MAP3K2: variants seen among roughly 807,000 people sequenced by gnomAD.
The protein encoded by MAP3K2 is mitogen-activated protein kinase kinase kinase 2.
A neutral mutation model predicts 80.3 loss-of-function variants in MAP3K2; 24 were observed. That is an observed-to-expected ratio of 0.30 (90% CI 0.22 to 0.42). The LOEUF (loss-of-function observed/expected upper bound fraction) is 0.42. Among genes scored for constraint, MAP3K2 ranks in the 10% least tolerant of loss-of-function variants. The pLI is 1.00. For missense variants in MAP3K2, 608 were observed against 750.1 expected (o/e 0.81, Z 2.21); for synonymous variants, 244 against 253.7 (o/e 0.96, Z 0.36).
intron 5 of MAP3K2, among the ~76,000 whole-genome samples, chr2:127,334,081 C>CA (rs988399038): frequency 3.3e-5 from 5 of 152,030 alleles, no homozygotes; most frequent in Admixed American, 1.3e-4. Context: ...ACCTGGGTGA[C>CA]AGAGTGAAAC....
rs1261683219 is a variant in MAP3K2, at chr2:127,302,404, T to TC, written c.*5174dup. 5 of 151,690 alleles carry TC rather than the reference T, an allele frequency of 3.3e-5. No homozygotes were observed. The highest frequency in any genetic ancestry group is 5.9e-5 in the Non-Finnish European group (4 of 68,024). The allele number at this position is 151,690 out of a possible 1,614,324, so 9.4% of individuals were successfully genotyped here. On this transcript the variant is annotated 3_prime_UTR_variant, in exon 17 of 17. Coordinates refer to ENST00000682094, the MANE Select transcript of MAP3K2 (RefSeq NM_001371910.2). ...TGACCTAATTGAACACTCATACCTT[T>TC]CCCCTTCTTCCTTCCCATCCCTGCC...
chr2:127,384,583 A>C (rs1558993511), intron 1 of MAP3K2, among the ~76,000 whole-genome samples: 1 of 152,194 alleles, frequency 6.6e-6, no homozygotes, highest in East Asian at 1.9e-4. Context: ...ATGTGACGGA[A>C]AGAGCAAGAG....
At chr2:127,375,470 T>G (rs1235407426) in intron 1 of MAP3K2, among the ~76,000 whole-genome samples, 2 of 151,544 alleles carry the variant, frequency 1.3e-5, no homozygotes, top group Non-Finnish European at 2.9e-5. Context: ...AGTGCAGTGG[T>G]GCGATCTGGG....
chr2:127,318,815 C>T (rs935652642), intron 12 of MAP3K2, among the ~76,000 whole-genome samples: 2 of 152,124 alleles, frequency 1.3e-5, no homozygotes, highest in African/African-American at 4.8e-5. Flanking sequence ...AACCTGAAAT[C>T]TAAGGAAAAA....
At chr2:127,325,658 A>AG in intron 9 of MAP3K2, 70 bp downstream of exon 9, 1 of 1,268,884 alleles carries the variant, frequency 7.9e-7, no homozygotes, top group Non-Finnish European at 1.1e-6. Flanking sequence ...ACTGCGCTCC[A>AG]GCCTGGGTGA....
intron 14 of MAP3K2, 24 bp downstream of exon 14, chr2:127,317,605 T>C: frequency 6.6e-7 from 1 of 1,507,270 alleles, no homozygotes; most frequent in South Asian, 1.3e-5. Flanking sequence ...GAATGTGTAT[T>C]TTCAAAAAGA....
rs2104797055 is a variant in MAP3K2, at chr2:127,303,200, T to C, written c.*4379A>G. 6.6e-6 allele frequency: 1 copy of C among 152,206 alleles called. No homozygotes were observed. Among genetic ancestry groups the C allele is most frequent in the East Asian group, 1.9e-4 (1 of 5,184 alleles). The allele number at this position is 152,206 out of a possible 1,614,324, so 9.4% of individuals were successfully genotyped here. On this transcript the variant is annotated 3_prime_UTR_variant, in exon 17 of 17. Coordinates refer to ENST00000682094, the MANE Select transcript of MAP3K2 (RefSeq NM_001371910.2). ...AACTTAGTAATAAAACAGTATGATC[T>C]CAAGGAACTGTCCTGATCTTAGTAT...
chr2:127,324,699 T>C (rs997908560), intron 9 of MAP3K2, among the ~76,000 whole-genome samples: 1 of 152,226 alleles, frequency 6.6e-6, no homozygotes, highest in Non-Finnish European at 1.5e-5. Context: ...TACCTTAAGA[T>C]AGACATTGAC....
intron 1 of MAP3K2, among the ~76,000 whole-genome samples, chr2:127,383,741 G>A (rs923726650): frequency 2.0e-5 from 3 of 152,178 alleles, no homozygotes; most frequent in Admixed American, 1.3e-4. Context: ...AGGACCATCT[G>A]AGGCAAAGAG....
At chr2:127,349,659 C>T (rs747280908) in intron 1 of MAP3K2, among the ~76,000 whole-genome samples, 2 of 152,092 alleles carry the variant, frequency 1.3e-5, no homozygotes, top group Non-Finnish European at 2.9e-5. Context: ...TTGGACAAAG[C>T]TAAGACTTGA....
intron 12 of MAP3K2, among the ~76,000 whole-genome samples, chr2:127,318,695 C>G (rs539830751): frequency 6.6e-6 from 1 of 152,308 alleles, no homozygotes; most frequent in East Asian, 1.9e-4. Context: ...ATGTAGAAAG[C>G]TGGAAAGAGT....
rs191263014 is a variant in MAP3K2 at position 127,376,067 on chromosome 2, G to T, written c.-66+11385C>A. Among the ~76,000 whole-genome samples, 353 of 152,224 alleles carry T rather than the reference G, an allele frequency of 2.3e-3. 1 individual carries two copies. The highest frequency in any genetic ancestry group is 7.7e-3 in the African/African-American group (320 of 41,526). ...AAACCTGATGCTAAAAACAGAAAAG[G>T]GAGAGATGTAGGAGATCAGTCAGGG... On this transcript the variant is annotated intron_variant, in intron 1 of 16. Coordinates refer to ENST00000682094, the MANE Select transcript of MAP3K2 (RefSeq NM_001371910.2).
intron 1 of MAP3K2, among the ~76,000 whole-genome samples, chr2:127,355,277 C>T (rs549353742): frequency 6.6e-6 from 1 of 152,214 alleles, no homozygotes; most frequent in African/African-American, 2.4e-5. Context: ...ACATTATACA[C>T]ACAGAAATAG....
At position 127,307,575 on chromosome 2, in the gene MAP3K2, G is replaced by C. The variant is rs1393675345; in HGVS notation, c.*4C>G. 1.2e-5 allele frequency: 18 copies of C among 1,554,868 alleles called. No homozygotes were observed. Among genetic ancestry groups the C allele is most frequent in the Non-Finnish European group, 1.6e-5 (18 of 1,147,894 alleles). On this transcript the variant is annotated 3_prime_UTR_variant, in exon 17 of 17. Coordinates refer to ENST00000682094, the MANE Select transcript of MAP3K2 (RefSeq NM_001371910.2). This position sits in a 1 kb window ranked among gnomAD's most constrained non-coding sequence, Gnocchi z 5.4. ...GGTAGAGGCACAGGAGAGGTTACTG[G>C]CTGCTAGTGATAATGCACAAACATG...
intron 5 of MAP3K2, among the ~76,000 whole-genome samples, chr2:127,335,326 C>T (rs1330291875): frequency 2.0e-5 from 3 of 152,152 alleles, no homozygotes; most frequent in Non-Finnish European, 4.4e-5. Context: ...ATCTCAAGAA[C>T]TAAAAGAAAC....
chr2:127,369,987 A>G (rs1427753958), intron 1 of MAP3K2, among the ~76,000 whole-genome samples: 1 of 151,956 alleles, frequency 6.6e-6, no homozygotes, highest in Non-Finnish European at 1.5e-5. Flanking sequence ...AGGCAGCCAG[A>G]TTGTCTTATC....
intron 15 of MAP3K2, among the ~76,000 whole-genome samples, chr2:127,312,023 T>C (rs1335235712): frequency 6.6e-6 from 1 of 152,252 alleles, no homozygotes; most frequent in Admixed American, 6.5e-5. Context: ...TACATAATTC[T>C]GTAACCGAAT....
intron 2 of MAP3K2, among the ~76,000 whole-genome samples, chr2:127,341,562 T>G (rs1380460658): frequency 3.5e-5 from 5 of 142,936 alleles, no homozygotes; most frequent in African/African-American, 1.3e-4. Context: ...AGACAGAGTC[T>G]TGCTCTGTCG....
Position 127,387,839 on chromosome 2 carries a change from A to T in MAP3K2, c.-453T>A, listed in dbSNP as rs1013328070. 6.1e-6 allele frequency: 6 copies of T among 984,562 alleles called. No homozygotes were observed. The African/African-American group carries it at 8.8e-5, about 14-fold the overall frequency. 61.0% of individuals were successfully genotyped at this position (984,562 alleles called of 1,614,324 possible). A position where few individuals can be genotyped will look rare whatever the true frequency, so the allele number is the denominator to read the frequency against. On this transcript the variant is annotated 5_prime_UTR_variant, in exon 1 of 17. Transcript: ENST00000682094. ...GGCGACTCTGCGGACAGGGGCGCCG[A>T]GCGTCCTGGTCGTTGTTTTCGTCGC...
Sources: allele counts gnomAD v4.1 joint callset (sites outside exome capture counted in the v4.1 genomes callset), GRCh38; gene constraint gnomAD v4.1.1; non-coding constraint Gnocchi (gnomAD v3.1); transcripts MANE v1.5; gene names NCBI Gene and HGNC (gene_info 2026-07-23, HGNC 2026-07-21).